Variants in DIS3L2 observed in about 807,000 individuals in gnomAD.
The protein encoded by DIS3L2 is DIS3 like 3'-5' exoribonuclease 2.
Under a neutral mutation model 97.5 loss-of-function variants are expected in DIS3L2, and 34 were observed. That is an observed-to-expected ratio of 0.35 (90% CI 0.27 to 0.46). DIS3L2 has a LOEUF of 0.46. DIS3L2 is among the 20% of genes least tolerant of loss of function. The pLI is 1.00. For synonymous variants in DIS3L2, 435 were observed against 445.2 expected (o/e 0.98, Z 0.29); for missense variants, 1,038 against 1,146.0 (o/e 0.91, Z 1.36).
In DIS3L2 at chr2:232,268,746, C is replaced by G. The variant is rs1462269109; in HGVS notation, c.1659+5306C>G. Among the ~76,000 whole-genome samples the G allele has an allele frequency of 2.0e-5, 3 of 152,254 alleles. No homozygotes were observed. Among genetic ancestry groups the G allele is most frequent in the East Asian group, 1.9e-4 (1 of 5,200 alleles). ...CCTGTGGTCCATACTTTGCTGACCT[C>G]TGCTTAAACAGCCAGCTAGCAATTC... On this transcript the variant is annotated intron_variant, in intron 13 of 20. Coordinates refer to ENST00000325385, the MANE Select transcript of DIS3L2 (RefSeq NM_152383.5). The surrounding 1 kb of genome is among the most constrained non-coding windows in gnomAD (Gnocchi z 4.1).
At chr2:232,228,229 C>T (rs3103275) in intron 10 of DIS3L2, among the ~76,000 whole-genome samples, 21,379 of 152,216 alleles carry the variant, frequency 0.14, 1,890 homozygotes, top group South Asian at 0.36. Flanking sequence ...GCTTCCCAAA[C>T]TGCTGGGATT....
At chr2:231,981,030 G>T (rs1693239684) in intron 1 of DIS3L2, among the ~76,000 whole-genome samples, 2 of 152,034 alleles carry the variant, frequency 1.3e-5, no homozygotes, top group South Asian at 4.1e-4. Flanking sequence ...TGCAACCTCT[G>T]CCTCTCAGGT....
At chr2:232,333,760 A>ACAGATC in intron 16 of DIS3L2, 80 bp from the exon 17 acceptor site, 1 of 1,417,440 alleles carries the variant, frequency 7.1e-7, no homozygotes, top group South Asian at 1.7e-5. Context: ...GCCGACGGTG[A>ACAGATC]GGCTGTGGGT....
rs1693913273 is a variant in DIS3L2 at position 232,268,841 on chromosome 2, G to A, written c.1659+5401G>A. ...CAGGGAAGCCAGGCTGGGTAATGGA[G>A]AACAGTCGTGCTAAGTTAACTCTCA... On this transcript the variant is annotated intron_variant, in intron 13 of 20. Coordinates refer to ENST00000325385, the MANE Select transcript of DIS3L2 (RefSeq NM_152383.5). The surrounding 1 kb of genome is among the most constrained non-coding windows in gnomAD (Gnocchi z 4.1). 6.6e-6 allele frequency among the ~76,000 whole-genome samples: 1 copy of A among 152,206 alleles called. No individual in the cohort carries two copies. The highest frequency in any genetic ancestry group is 1.5e-5 in the Non-Finnish European group (1 of 68,030).
At chr2:232,193,312 A>G (rs985761042) in intron 9 of DIS3L2, among the ~76,000 whole-genome samples, 1 of 152,350 alleles carries the variant, frequency 6.6e-6, no homozygotes, top group African/African-American at 2.4e-5. Flanking sequence ...TTTAGAGGCA[A>G]ATTCTGCCAC....
chr2:232,191,870 T>C (rs1691626252), intron 9 of DIS3L2, among the ~76,000 whole-genome samples: 1 of 152,232 alleles, frequency 6.6e-6, no homozygotes, highest in Non-Finnish European at 1.5e-5. Flanking sequence ...TCATATTTCA[T>C]CGTTTCTTTT....
intron 3 of DIS3L2, chr2:232,023,212 A>C (rs1374004967): frequency 6.6e-6 from 1 of 152,188 alleles, no homozygotes; most frequent in Non-Finnish European, 1.5e-5. Flanking sequence ...AGTGTGTCTC[A>C]GGGTCTTGAA....
chr2:232,214,494 G>C (rs748133468), intron 10 of DIS3L2, among the ~76,000 whole-genome samples: 9 of 152,124 alleles, frequency 5.9e-5, no homozygotes, highest in Non-Finnish European at 1.0e-4. Flanking sequence ...CTAGATAACA[G>C]TTATCATGTG....
chr2:232,111,391 A>G, intron 6 of DIS3L2: 1 of 366,984 alleles, frequency 2.7e-6, no homozygotes, highest in Non-Finnish European at 5.8e-6. Context: ...TCTCATATGT[A>G]TACCGATTTT....
chr2:232,312,143 T>C (rs1430443810), intron 14 of DIS3L2, among the ~76,000 whole-genome samples: 1 of 152,246 alleles, frequency 6.6e-6, no homozygotes, highest in Admixed American at 6.5e-5. Flanking sequence ...TAGTTTGCTT[T>C]TTTACTGCCT....
At chr2:232,277,708 G>A (rs1289004670) in intron 13 of DIS3L2, among the ~76,000 whole-genome samples, 1 of 152,106 alleles carries the variant, frequency 6.6e-6, no homozygotes, top group Non-Finnish European at 1.5e-5. Context: ...TAATGACAGG[G>A]ACACATTCAG....
At position 232,181,400 on chromosome 2, in the gene DIS3L2, A is replaced by C. The variant is rs200312556; in HGVS notation, c.1124+17768A>C. On this transcript the variant is annotated intron_variant, in intron 9 of 20. Transcript: ENST00000325385. Reference sequence around the variant, plus strand: ...GAAGTTCTCCTGGATGATATCCTGCAGAGTGTTTTCCAACTTGGTTCCATT... The same window carrying C: ...GAAGTTCTCCTGGATGATATCCTGCCGAGTGTTTTCCAACTTGGTTCCATT... 4.3e-4 allele frequency among the ~76,000 whole-genome samples: 66 copies of C among 152,258 alleles called. No homozygotes were observed. In the East Asian group the frequency reaches 0.012, roughly 28 times the overall value.
chr2:232,254,715 C>T (rs1693509943), intron 12 of DIS3L2, among the ~76,000 whole-genome samples: 1 of 152,166 alleles, frequency 6.6e-6, no homozygotes, highest in South Asian at 2.1e-4. Context: ...TAGAAAGTGG[C>T]AAACTCTGTA....
chr2:232,136,450 A>G (rs777194934), intron 7 of DIS3L2, 22 bp from the exon 8 acceptor site: 1 of 1,612,858 alleles, frequency 6.2e-7, no homozygotes, highest in Non-Finnish European at 8.5e-7. Flanking sequence ...AACAACATTG[A>G]CTATATCTTT....
intron 14 of DIS3L2, among the ~76,000 whole-genome samples, chr2:232,304,328 C>G (rs757516545): frequency 2.6e-5 from 4 of 152,156 alleles, no homozygotes; most frequent in Non-Finnish European, 5.9e-5. Flanking sequence ...TGTGAGAATT[C>G]AGTTACACAT....
chr2:232,189,433 G>A (rs1246673889), intron 9 of DIS3L2, among the ~76,000 whole-genome samples: 1 of 152,164 alleles, frequency 6.6e-6, no homozygotes, highest in Non-Finnish European at 1.5e-5. Context: ...AGCTTGGATG[G>A]ATCTTCAGTC....
chr2:232,263,357 C>T lies in DIS3L2; in HGVS notation c.1576C>T (p.His526Tyr), dbSNP rs1287358046. 2 of 1,614,208 alleles carry T rather than the reference C, an allele frequency of 1.2e-6. No individual in the cohort carries two copies. The highest frequency in any genetic ancestry group is 1.3e-5 in the African/African-American group (1 of 75,056). The part of the protein sequence containing the change: ...ISPEHSSEEV[H>Y]QAVLNLHGIA... The stretch of plus-strand genomic sequence containing the variant: ...CCCAGAGCATAGCAGCGAGGAGGTA[C>T]ACCAGGCCGTCTTGAATCTCCACGG... The change falls in exon 13 of 21, where the codon CAC becomes TAC. Residue 526 changes from histidine to tyrosine, a missense_variant. Coordinates refer to ENST00000325385, the MANE Select transcript of DIS3L2 (RefSeq NM_152383.5).
Position 231,983,530 on chromosome 2 carries a change from G to T in DIS3L2, c.-94+21765G>T, listed in dbSNP as rs181986639. On this transcript the variant is annotated intron_variant, in intron 1 of 20. Coordinates refer to ENST00000325385, the MANE Select transcript of DIS3L2 (RefSeq NM_152383.5). ...GTGGTGGCATTAGATTCTCATAGGAGTGCGAACCCTGTTGTGAACTGCATG... is the reference window on the plus strand; with the variant it reads ...GTGGTGGCATTAGATTCTCATAGGATTGCGAACCCTGTTGTGAACTGCATG... Among the ~76,000 whole-genome samples, 418 of 152,298 alleles carry T rather than the reference G, an allele frequency of 2.7e-3. 2 individuals carry two copies. The highest frequency in any genetic ancestry group is 4.3e-3 in the Non-Finnish European group (295 of 68,018).
chr2:232,155,230 C>A (rs1345195604), intron 8 of DIS3L2, among the ~76,000 whole-genome samples: 1 of 57,556 alleles, frequency 1.7e-5, no homozygotes, highest in South Asian at 3.0e-4. Flanking sequence ...CTCCTCCCCC[C>A]TCCTTAATTT....
Sources: allele counts gnomAD v4.1 joint callset (sites outside exome capture counted in the v4.1 genomes callset), GRCh38; gene constraint gnomAD v4.1.1; non-coding constraint Gnocchi (gnomAD v3.1); transcripts MANE v1.5; gene names NCBI Gene and HGNC (gene_info 2026-07-23, HGNC 2026-07-21).